Variants in SCAF11 observed in about 807,000 individuals in gnomAD.
SCAF11 encodes SR-related CTD associated factor 11, also known as protein SCAF11.
A neutral mutation model predicts 140.5 loss-of-function variants in SCAF11; 47 were observed. The observed-to-expected ratio is 0.33, with a 90% confidence interval of 0.26 to 0.43. The LOEUF is 0.43. Ranked by LOEUF, SCAF11 falls within the 20% of genes least tolerant of loss-of-function variation. The pLI is 1.00. For synonymous variants in SCAF11, 557 were observed against 579.4 expected (o/e 0.96, Z 0.55); for missense variants, 1,645 against 1,705.1 (o/e 0.96, Z 0.62).
rs1476949480 is a variant in SCAF11 at position 45,924,755 on chromosome 12, A to G, written c.3879T>C (p.Ala1293=). 6.4e-7 allele frequency: 1 copy of G among 1,566,186 alleles called. No individual in the cohort carries two copies. Among genetic ancestry groups the G allele is most frequent in the African/African-American group, 1.4e-5 (1 of 72,332 alleles). The part of the protein sequence containing the change: ...PPPSQQVNYI[A]SQPDGKQLQG... Reference sequence around the variant, plus strand: ...GCAATTGCTTTCCATCTGGTTGTGAAGCAATGTAGTTGACTTGTTGGGATG... The same window carrying G: ...GCAATTGCTTTCCATCTGGTTGTGAGGCAATGTAGTTGACTTGTTGGGATG... The change falls in exon 12 of 15, where the codon GCT becomes GCC. Residue 1293 remains alanine (A), a synonymous_variant. Transcript: ENST00000369367.
At chr12:45,951,886 T>G in intron 3 of SCAF11, 159 bp from the exon 4 acceptor site, 1 of 519,760 alleles carries the variant, frequency 1.9e-6, no homozygotes, top group Non-Finnish European at 3.5e-6. Context: ...AAACATTTAC[T>G]GAATACCTCC....
rs751479962 is a variant in SCAF11, at chr12:45,925,054, T to A, written c.3580A>T (p.Thr1194Ser). ...TGAGAACCATCAACTTGCTGGTTTGTTTGGTCTTTTAGGCTAGAATCTATC... is the reference window on the plus strand; with the variant it reads ...TGAGAACCATCAACTTGCTGGTTTGATTGGTCTTTTAGGCTAGAATCTATC... ...SGQDSSLKDQ[T>S]NQQVDGSQLP... Residue 1194 changes from threonine to serine, a missense_variant, in exon 12 of 15, where the codon ACA becomes TCA. Physicochemically the swap from Thr to Ser is moderately conservative, Grantham distance 58 (BLOSUM62 1). This residue lies in a region of SCAF11 where 1,582 missense variants were observed against 1,609.2 expected (regional missense o/e 0.98). Coordinates refer to ENST00000369367, the MANE Select transcript of SCAF11 (RefSeq NM_004719.3). 3.7e-6 allele frequency: 6 copies of A among 1,612,890 alleles called. No homozygotes were observed. Among genetic ancestry groups the A allele is most frequent in the South Asian group, 1.1e-5 (1 of 91,066 alleles).
At chr12:45,982,594 A>T (rs985247230) in intron 1 of SCAF11, among the ~76,000 whole-genome samples, 2 of 152,146 alleles carry the variant, frequency 1.3e-5, no homozygotes, top group African/African-American at 4.8e-5. Flanking sequence ...AATCCTAGCT[A>T]CTCAGGAGAC....
chr12:45,979,020 G>C (rs1198402093), intron 1 of SCAF11, among the ~76,000 whole-genome samples: 5 of 151,870 alleles, frequency 3.3e-5, no homozygotes, highest in Admixed American at 3.3e-4. Flanking sequence ...TGCCTGGTGA[G>C]GATCCGGTCC....
intron 1 of SCAF11, among the ~76,000 whole-genome samples, chr12:45,983,583 A>C (rs1413273225): frequency 6.6e-6 from 1 of 152,166 alleles, no homozygotes; most frequent in Admixed American, 6.5e-5. Flanking sequence ...GTATGAACAG[A>C]GACAGAGTTA....
In SCAF11 at chr12:45,933,054, C is replaced by T. The variant is rs1022949114; in HGVS notation, c.734+77G>A. The T allele has an allele frequency of 1.2e-5, 11 of 929,414 alleles. No individual in the cohort carries two copies. The Admixed American group carries it at 2.2e-4, about 18-fold the overall frequency. 57.6% of individuals were successfully genotyped at this position (929,414 alleles called of 1,614,324 possible). A position where few individuals can be genotyped will look rare whatever the true frequency, so the allele number is the denominator to read the frequency against. On this transcript the variant is annotated intron_variant, in intron 9 of 14. Transcript: ENST00000369367. The stretch of plus-strand genomic sequence containing the variant: ...AGGAAAATAACAATTGAATAAGGTA[C>T]CCTTGTACTTAAGTACTAATGCTAT...
chr12:45,935,536 G>A (rs1037186697), intron 6 of SCAF11, among the ~76,000 whole-genome samples: 2 of 152,174 alleles, frequency 1.3e-5, no homozygotes, highest in African/African-American at 2.4e-5. Flanking sequence ...AAATAACCAT[G>A]TTCCTTCAGC....
In SCAF11 at chr12:45,934,514, A is replaced by G; in HGVS notation, c.464-9T>C. The G allele has an allele frequency of 1.3e-6, 2 of 1,553,108 alleles. No homozygotes were observed. Among genetic ancestry groups the G allele is most frequent in the Non-Finnish European group, 1.7e-6 (2 of 1,155,330 alleles). On this transcript the variant is annotated splice_polypyrimidine_tract_variant and intron_variant, in intron 6 of 14. Transcript: ENST00000369367. ...ACTGTATAAAGAGTTTCCTGTACAA[A>G]GACATAAAAGGACTTGGTTACCTTG...
intron 1 of SCAF11, among the ~76,000 whole-genome samples, chr12:45,987,072 C>A (rs750820239): frequency 1.3e-5 from 2 of 152,138 alleles, no homozygotes; most frequent in Admixed American, 6.5e-5. Flanking sequence ...AAAACACAGA[C>A]CCCTTAGGCT....
Position 45,927,175 on chromosome 12 carries a change from G to A in SCAF11, c.2526C>T (p.Gly842=). ...GGGACTGAGAACGGGATTTTTTCCGGCCTCTGGCTGACTCATTCTTAGGAG... is the reference window on the plus strand; with the variant it reads ...GGGACTGAGAACGGGATTTTTTCCGACCTCTGGCTGACTCATTCTTAGGAG... ...SPSPKNESAR[G]RKKSRSQSPK... Residue 842 remains glycine (G), a synonymous_variant, in exon 11 of 15, where the codon GGC becomes GGT. Transcript: ENST00000369367. 6.2e-7 allele frequency: 1 copy of A among 1,613,920 alleles called. No homozygotes were observed. The highest frequency in any genetic ancestry group is 1.3e-5 in the African/African-American group (1 of 74,964).
chr12:45,968,005 G>C (rs1232721191), intron 1 of SCAF11, among the ~76,000 whole-genome samples: 1 of 152,174 alleles, frequency 6.6e-6, no homozygotes, highest in African/African-American at 2.4e-5. Flanking sequence ...GTAATTTGTG[G>C]TCAATAGCCC....
intron 12 of SCAF11, 87 bp from the exon 13 acceptor site, chr12:45,923,241 C>T (rs1301261807): frequency 1.6e-6 from 2 of 1,227,374 alleles, no homozygotes; most frequent in Admixed American, 4.0e-5. Flanking sequence ...CATTAAAAAA[C>T]ACAAAGCAAA....
At chr12:45,943,395 A>C (rs980111320) in intron 6 of SCAF11, among the ~76,000 whole-genome samples, 1 of 152,188 alleles carries the variant, frequency 6.6e-6, no homozygotes, top group South Asian at 2.1e-4. Context: ...TCACAAGAAG[A>C]GTAAGAAGAG....
rs188509311 is a variant in SCAF11 at position 45,945,529 on chromosome 12, T to C, written c.399-216A>G. The stretch of plus-strand genomic sequence containing the variant: ...TTTTAATATCTATTGAGTTGTATTA[T>C]CTCAGTCTTTTTTTTTTTTTTTTTT... On this transcript the variant is annotated intron_variant, in intron 5 of 14. Coordinates refer to ENST00000369367, the MANE Select transcript of SCAF11 (RefSeq NM_004719.3). 4.1e-4 allele frequency among the ~76,000 whole-genome samples: 62 copies of C among 150,352 alleles called. No individual in the cohort carries two copies. In the East Asian group the frequency reaches 0.01, roughly 25 times the overall value.
At chr12:45,980,374 G>C (rs778133599) in intron 1 of SCAF11, among the ~76,000 whole-genome samples, 4 of 152,148 alleles carry the variant, frequency 2.6e-5, no homozygotes, top group Non-Finnish European at 4.4e-5. Flanking sequence ...GATATGTTTA[G>C]CAACCATAGC....
chr12:45,992,051 T>G, upstream of SCAF11: 1 of 1,288,416 alleles, frequency 7.8e-7, no homozygotes, highest in Middle Eastern at 2.1e-4. Context: ...GCCGCCTTCC[T>G]GCATTCTCGC....
intron 1 of SCAF11, among the ~76,000 whole-genome samples, chr12:45,980,990 G>A (rs1285957950): frequency 6.6e-6 from 1 of 152,098 alleles, no homozygotes; most frequent in East Asian, 1.9e-4. Context: ...GTTTGTTTTA[G>A]GGAAACAGGG....
Position 45,968,419 on chromosome 12 carries a change from T to C in SCAF11, c.-21-4231A>G, listed in dbSNP as rs369315183. Among the ~76,000 whole-genome samples, 347 of 152,326 alleles carry C rather than the reference T, an allele frequency of 2.3e-3. 12 individuals are homozygous for C. In the South Asian group the frequency reaches 0.068, roughly 30 times the overall value. ...TTTCCATTTCATAACATATTGTTTC[T>C]GCTAGATACTGAAAGTGATACTCCA... On this transcript the variant is annotated intron_variant, in intron 1 of 14. Coordinates refer to ENST00000369367, the MANE Select transcript of SCAF11 (RefSeq NM_004719.3).
At chr12:45,936,430 C>A (rs1945175303) in intron 6 of SCAF11, among the ~76,000 whole-genome samples, 1 of 152,196 alleles carries the variant, frequency 6.6e-6, no homozygotes, top group South Asian at 2.1e-4. Flanking sequence ...GCATGAGCCA[C>A]CACGCCCAGC....
Sources: gnomAD v4.1 joint callset for allele counts (sites outside exome capture counted in the v4.1 genomes callset) on GRCh38, gnomAD v4.1.1 for gene constraint, gnomAD v4.1.1 regional missense constraint, MANE v1.5 for transcripts, NCBI Gene and HGNC (gene_info 2026-07-23, HGNC 2026-07-21) for gene names.